Variants in C10orf53 observed in about 807,000 individuals in gnomAD.
C10orf53 encodes the protein UPF0728 protein C10orf53.
In C10orf53, 8 loss-of-function variants were observed where a neutral mutation model predicts 9.4. The observed-to-expected ratio is 0.85, with a 90% CI of 0.50 to 1.53. The LOEUF (loss-of-function observed/expected upper bound fraction) is 1.53. Ranked by LOEUF, C10orf53 falls within the 40% of genes most tolerant of loss-of-function variation. The probability of loss-of-function intolerance (pLI) is 0.00; values close to 1 mark genes in which losing one functional copy is unlikely to be tolerated. For synonymous variants in C10orf53, 48 were observed against 46.0 expected, an observed-to-expected ratio of 1.04 and a Z score of -0.18; for missense variants, 117 against 117.8, an observed-to-expected ratio of 0.99 and a Z score of 0.03.
chr10:49,709,121 A>G (rs1840743463), exon 3 of C10orf53: 1 of 161,840 alleles, frequency 6.2e-6, no homozygotes, highest in Non-Finnish European at 1.3e-5. Context: ...TTCCATTGTC[A>G]TGTTATATTT....
intron 1 of C10orf53, among the ~76,000 whole-genome samples, chr10:49,691,969 T>C (rs1840589239): frequency 6.6e-6 from 1 of 152,204 alleles, no homozygotes; most frequent in South Asian, 2.1e-4. Flanking sequence ...TCCTGATTTC[T>C]TCCTATCAAA....
At position 49,696,384 on chromosome 10, in the gene C10orf53, T is replaced by C. The variant is rs969647827; in HGVS notation, c.*1782T>C. Among the ~76,000 whole-genome samples, 3 of 152,198 alleles carry C rather than the reference T, an allele frequency of 2.0e-5. No homozygotes were observed. Among genetic ancestry groups the C allele is most frequent in the Non-Finnish European group, 4.4e-5 (3 of 68,024 alleles). On this transcript the variant is annotated 3_prime_UTR_variant, in exon 3 of 3. Coordinates refer to ENST00000374111, the MANE Select transcript of C10orf53 (RefSeq NM_001042427.3). ...AATTGCTAGCTTCCCCTGTCTGCAT[T>C]TGGAGTGGGAACTTCATCTCCAAAC...
intron 1 of C10orf53, among the ~76,000 whole-genome samples, chr10:49,682,475 A>G (rs1840488234): frequency 6.6e-6 from 1 of 152,214 alleles, no homozygotes; most frequent in African/African-American, 2.4e-5. Context: ...GCAGACCCAA[A>G]GTGAGCAGCA....
At chr10:49,690,126 T>C (rs1840569639) in intron 1 of C10orf53, among the ~76,000 whole-genome samples, 1 of 152,070 alleles carries the variant, frequency 6.6e-6, no homozygotes, top group South Asian at 2.1e-4. Flanking sequence ...CAGGCGCAGG[T>C]GGCTCTTCCC....
In C10orf53 at chr10:49,679,718, C is replaced by A; in HGVS notation, c.21C>A (p.Val7=). The change falls in exon 1 of 3, where the codon GTC becomes GTA. Residue 7 remains valine, a synonymous_variant. Coordinates refer to ENST00000374111, the MANE Select transcript of C10orf53 (RefSeq NM_001042427.3). ...TGGCGATGCCCAAGAACGCAGTGGT[C>A]ATCCTGCGCTATGGGCCCTACAGCG... MPKNAV[V]ILRYGPYSAA... The A allele has an allele frequency of 6.5e-7, 1 of 1,548,334 alleles. No homozygotes were observed. Among genetic ancestry groups the A allele is most frequent in the South Asian group, 1.2e-5 (1 of 83,746 alleles).
intron 2 of C10orf53, among the ~76,000 whole-genome samples, chr10:49,702,798 A>G (rs993725547): frequency 2.6e-5 from 4 of 152,182 alleles, no homozygotes; most frequent in Non-Finnish European, 5.9e-5. Context: ...TGACTAATAC[A>G]GAAGTCAAGA....
intron 1 of C10orf53, among the ~76,000 whole-genome samples, chr10:49,684,558 T>C (rs759319102): frequency 1.4e-4 from 21 of 146,864 alleles, no homozygotes; most frequent in Non-Finnish European, 3.0e-4. Flanking sequence ...GTTTTCAGTG[T>C]ATAAGACTTG....
chr10:49,686,677 C>G (rs1590640019), intron 1 of C10orf53, among the ~76,000 whole-genome samples: 1 of 152,134 alleles, frequency 6.6e-6, no homozygotes, highest in South Asian at 2.1e-4. Context: ...ACGCCCTGGT[C>G]TCTTGCAGTA....
At chr10:49,698,160 T>G (rs910014873), downstream of C10orf53, among the ~76,000 whole-genome samples, 6 of 152,126 alleles carry the variant, frequency 3.9e-5, no homozygotes, top group African/African-American at 1.4e-4. Flanking sequence ...TGCAGTGGCA[T>G]GCACCTGTAG....
chr10:49,704,571 T>C lies in C10orf53; in HGVS notation c.218-3790T>C, dbSNP rs547000166. Among the ~76,000 whole-genome samples, 3 of 152,070 alleles carry C rather than the reference T, an allele frequency of 2.0e-5. No individual in the cohort carries two copies. The East Asian group carries it at 5.8e-4, about 29-fold the overall frequency. On this transcript the variant is annotated intron_variant, in intron 2 of 2. Coordinates refer to the C10orf53 transcript ENST00000374112. ...GCCTGACCAACATGGTGAAACCCTG[T>C]CTCTACTAAAAATACCAAAAAAATT...
intron 1 of C10orf53, among the ~76,000 whole-genome samples, chr10:49,682,791 G>A (rs997570193): frequency 4.0e-5 from 6 of 151,560 alleles, no homozygotes; most frequent in Admixed American, 1.3e-4. Context: ...GTCCCCACCC[G>A]ACCCAGAAGC....
chr10:49,689,110 C>G (rs945197174), intron 1 of C10orf53, among the ~76,000 whole-genome samples: 2 of 152,092 alleles, frequency 1.3e-5, no homozygotes, highest in African/African-American at 4.8e-5. Context: ...AATCAACCTG[C>G]GTAAAGCCGA....
At position 49,694,970 on chromosome 10, in the gene C10orf53, C is replaced by G. The variant is rs1472971638; in HGVS notation, c.*368C>G. The G allele has an allele frequency of 9.8e-7, 1 of 1,020,644 alleles. No individual in the cohort carries two copies. The highest frequency in any genetic ancestry group is 1.7e-5 in the African/African-American group (1 of 58,710). The allele number at this position is 1,020,644 out of a possible 1,614,324, so 63.2% of individuals were successfully genotyped here. On this transcript the variant is annotated 3_prime_UTR_variant, in exon 3 of 3. Coordinates refer to ENST00000374111, the MANE Select transcript of C10orf53 (RefSeq NM_001042427.3). ...ATCTGAGATTCCATTGTTTAGTACT[C>G]AAAGTGCTCAGAACAGGTGAAATTA...
At chr10:49,704,382 A>G (rs1235412499) in intron 2 of C10orf53, among the ~76,000 whole-genome samples, 1 of 152,244 alleles carries the variant, frequency 6.6e-6, no homozygotes, top group Non-Finnish European at 1.5e-5. Flanking sequence ...AAGGAAACAT[A>G]AAAAGTACAT....
At position 49,696,162 on chromosome 10, in the gene C10orf53, T is replaced by A. The variant is rs931899819; in HGVS notation, c.*1560T>A. On this transcript the variant is annotated 3_prime_UTR_variant, in exon 3 of 3. Transcript: ENST00000374111. ...CACAATTTTGTAAGTTTTTAAAAAT[T>A]TTTCAACTTTTATTTTAGATACAGG... is the stretch of plus-strand genomic sequence containing the variant. The A allele has an allele frequency of 3.3e-5, 5 of 152,220 alleles. No individual in the cohort carries two copies. Among genetic ancestry groups the A allele is most frequent in the Non-Finnish European group, 7.3e-5 (5 of 68,038 alleles). The allele number at this position is 152,220 out of a possible 1,614,324, so 9.4% of individuals were successfully genotyped here. A position where few individuals can be genotyped will look rare whatever the true frequency, so the allele number is the denominator to read the frequency against.
At chr10:49,691,217 A>G (rs1301018470) in intron 1 of C10orf53, among the ~76,000 whole-genome samples, 1 of 152,198 alleles carries the variant, frequency 6.6e-6, no homozygotes, top group Non-Finnish European at 1.5e-5. Context: ...CGGGGTGTCT[A>G]GTGTTTGATC....
chr10:49,698,964 C>G (rs960938345), downstream of C10orf53, among the ~76,000 whole-genome samples: 5 of 152,142 alleles, frequency 3.3e-5, no homozygotes, highest in Non-Finnish European at 7.3e-5. Flanking sequence ...GGCGGCAGCT[C>G]AGCTCTAGTG....
chr10:49,694,452 C>G (rs1412494843), intron 2 of C10orf53, 86 bp from the exon 3 acceptor site: 1 of 1,559,182 alleles, frequency 6.4e-7, no homozygotes, highest in East Asian at 2.2e-5. Context: ...TGAAAATGCA[C>G]TCTGGGTGGA....
exon 3 of C10orf53, chr10:49,708,471 C>G: frequency 1.2e-6 from 2 of 1,614,148 alleles, no homozygotes; most frequent in Middle Eastern, 1.6e-4. Context: ...ACAGTTCCCA[C>G]AAAAGACCCA....
Sources: gnomAD v4.1 joint callset for allele counts (sites outside exome capture counted in the v4.1 genomes callset) on GRCh38, gnomAD v4.1.1 for gene constraint, MANE v1.5 for transcripts, NCBI Gene and HGNC (gene_info 2026-07-23, HGNC 2026-07-21) for gene names.